Variants in DRGX observed in about 807,000 individuals in gnomAD.
The protein encoded by DRGX is dorsal root ganglia homeobox.
In DRGX, 21 loss-of-function variants were observed where a neutral mutation model predicts 28.6. The observed-to-expected ratio is 0.73, with a 90% CI of 0.52 to 1.06. The LOEUF (loss-of-function observed/expected upper bound fraction) is 1.06. DRGX is among the 50% of genes least tolerant of loss of function. DRGX has a pLI of 0.00. For synonymous variants in DRGX, 136 were observed against 139.1 expected (o/e 0.98, Z 0.16); for missense variants, 354 against 343.9 (o/e 1.03, Z -0.23).
intron 6 of DRGX, among the ~76,000 whole-genome samples, chr10:49,383,518 T>A (rs1044836445): frequency 1.3e-5 from 2 of 151,916 alleles, no homozygotes; most frequent in South Asian, 4.2e-4. Flanking sequence ...CCATGGCAGG[T>A]CCAACCAAGG....
chr10:49,395,880 G>A, intron 1 of DRGX, 55 bp downstream of exon 1: 1 of 184,012 alleles, frequency 5.4e-6, no homozygotes, highest in Non-Finnish European at 1.1e-5. Flanking sequence ...GAAGGCAGCC[G>A]AGCCCCAAGG....
At chr10:49,371,561 G>A (rs61848633) in intron 6 of DRGX, among the ~76,000 whole-genome samples, 10,414 of 151,946 alleles carry the variant, frequency 0.069, 430 homozygotes, top group Middle Eastern at 0.14. Flanking sequence ...GGAGGCCAAG[G>A]CAGGGGGATC....
At chr10:49,390,992 T>A (rs1179321938) in intron 3 of DRGX, among the ~76,000 whole-genome samples, 172 bp downstream of exon 3, 2 of 152,238 alleles carry the variant, frequency 1.3e-5, no homozygotes, top group African/African-American at 2.4e-5. Context: ...TAGCGTCATC[T>A]GCATGCCTCC....
At chr10:49,376,439 C>T (rs1849717810) in intron 6 of DRGX, among the ~76,000 whole-genome samples, 1 of 152,136 alleles carries the variant, frequency 6.6e-6, no homozygotes. Flanking sequence ...ATGTGCTGTC[C>T]ACACACCATG....
rs962489229 is a variant in DRGX at position 49,373,882 on chromosome 10, G to A, written c.527-7501C>T. Reference sequence around the variant, plus strand: ...ACCACATAAATCTAGCTTCATAGGTGTATGTATATAAATATAAATTTACTT... The same window carrying A: ...ACCACATAAATCTAGCTTCATAGGTATATGTATATAAATATAAATTTACTT... On this transcript the variant is annotated intron_variant, in intron 6 of 6. Transcript: ENST00000374139. 3.3e-5 allele frequency among the ~76,000 whole-genome samples: 5 copies of A among 152,018 alleles called. No homozygotes were observed. The South Asian group carries it at 8.3e-4, about 25-fold the overall frequency.
intron 4 of DRGX, among the ~76,000 whole-genome samples, chr10:49,387,224 T>TC (rs1161190579): frequency 6.6e-6 from 1 of 152,194 alleles, no homozygotes; most frequent in African/African-American, 2.4e-5. Context: ...ACCCGGGGCT[T>TC]CCTCATCACA....
At chr10:49,386,645 C>A in intron 5 of DRGX, 35 bp downstream of exon 5, 8 of 1,576,382 alleles carry the variant, frequency 5.1e-6, no homozygotes, top group Non-Finnish European at 6.9e-6. Flanking sequence ...CAGTGCTGCC[C>A]ATGGCCCACC....
At chr10:49,394,998 G>T (rs1025943922) in intron 2 of DRGX, among the ~76,000 whole-genome samples, 6 of 152,256 alleles carry the variant, frequency 3.9e-5, no homozygotes, top group Non-Finnish European at 8.8e-5. Flanking sequence ...GGCTCGTGCA[G>T]CTCGTGATCT....
chr10:49,368,352 A>G (rs1849620775), intron 6 of DRGX, among the ~76,000 whole-genome samples: 1 of 152,254 alleles, frequency 6.6e-6, no homozygotes, highest in Non-Finnish European at 1.5e-5. Context: ...AGCAGATACC[A>G]AGATGAGTGT....
intron 6 of DRGX, 116 bp downstream of exon 6, chr10:49,386,362 G>A (rs1035077011): frequency 2.8e-5 from 24 of 861,772 alleles, no homozygotes; most frequent in Admixed American, 1.2e-4. Context: ...GACAGGAGGC[G>A]AGGAAGCTGC....
At chr10:49,376,584 A>G (rs1466017164) in intron 6 of DRGX, among the ~76,000 whole-genome samples, 3 of 152,186 alleles carry the variant, frequency 2.0e-5, no homozygotes, top group Non-Finnish European at 2.9e-5. Context: ...TTGGCTCAAC[A>G]TCATGACTCT....
intron 6 of DRGX, among the ~76,000 whole-genome samples, chr10:49,383,402 G>A (rs1193537504): frequency 1.3e-5 from 2 of 152,298 alleles, no homozygotes; most frequent in Middle Eastern, 3.4e-3. Context: ...GTGTCAGGAT[G>A]AGCCCAGGGA....
At chr10:49,382,955 G>A (rs546395201) in intron 6 of DRGX, among the ~76,000 whole-genome samples, 2 of 152,232 alleles carry the variant, frequency 1.3e-5, no homozygotes, top group East Asian at 1.9e-4. Context: ...GAACCTTGGC[G>A]GTGTTCGAAG....
intron 6 of DRGX, among the ~76,000 whole-genome samples, chr10:49,382,029 T>C (rs1428912189): frequency 1.3e-5 from 2 of 152,094 alleles, no homozygotes; most frequent in Non-Finnish European, 2.9e-5. Context: ...TCAGCCCACA[T>C]TGGTTCTGGT....
intron 6 of DRGX, among the ~76,000 whole-genome samples, chr10:49,381,151 C>T (rs1464150333): frequency 6.6e-6 from 1 of 152,222 alleles, no homozygotes; most frequent in Non-Finnish European, 1.5e-5. Context: ...GGAGAAAATC[C>T]CCGCAAGAGC....
chr10:49,376,518 G>C (rs952829084), intron 6 of DRGX, among the ~76,000 whole-genome samples: 5 of 152,192 alleles, frequency 3.3e-5, no homozygotes, highest in African/African-American at 1.2e-4. Context: ...GCAGGAAGCA[G>C]AAACCTCTGC....
chr10:49,377,576 A>G (rs1022288692), intron 6 of DRGX, among the ~76,000 whole-genome samples: 4 of 152,206 alleles, frequency 2.6e-5, no homozygotes, highest in African/African-American at 9.7e-5. Context: ...CTCTGCTTTT[A>G]TACTCTTGGT....
chr10:49,391,118 G>A (rs755692069), intron 3 of DRGX, 46 bp downstream of exon 3: 2 of 1,578,852 alleles, frequency 1.3e-6, no homozygotes, highest in Non-Finnish European at 8.7e-7. Context: ...TGATTTGGGG[G>A]AGGTAGGAAG....
chr10:49,389,015 T>A (rs1849870602), intron 4 of DRGX, among the ~76,000 whole-genome samples: 1 of 152,132 alleles, frequency 6.6e-6, no homozygotes. Context: ...GCTCAATAAT[T>A]GTGTCATTTA....
Sources: gnomAD v4.1 joint callset for allele counts (sites outside exome capture counted in the v4.1 genomes callset) on GRCh38, gnomAD v4.1.1 for gene constraint, MANE v1.5 for transcripts, NCBI Gene and HGNC (gene_info 2026-07-23, HGNC 2026-07-21) for gene names.